NLGN1: variants seen among roughly 807,000 people sequenced by gnomAD.
NLGN1 encodes neuroligin 1, also known as neuroligin-1.
In NLGN1, 12 loss-of-function variants were observed where a neutral mutation model predicts 65.5. The observed-to-expected ratio is 0.18, with a 90% confidence interval of 0.12 to 0.30. The LOEUF is 0.30. NLGN1 is among the 10% of genes least tolerant of loss of function. The probability of loss-of-function intolerance (pLI) is 1.00; values close to 1 mark genes in which losing one functional copy is unlikely to be tolerated. For synonymous variants in NLGN1, 350 were observed against 359.5 expected (o/e 0.97, Z 0.30); for missense variants, 750 against 1,007.1 (o/e 0.74, Z 3.46).
chr3:173,423,216 T>G (rs1715448747), intron 1 of NLGN1, among the ~76,000 whole-genome samples: 2 of 152,194 alleles, frequency 1.3e-5, no homozygotes, highest in Admixed American at 1.3e-4. Context: ...CAGCAGGCCC[T>G]TCCCTCAATA....
intron 3 of NLGN1, among the ~76,000 whole-genome samples, chr3:173,749,913 C>T (rs1401813626): frequency 6.6e-6 from 1 of 151,970 alleles, no homozygotes; most frequent in Non-Finnish European, 1.5e-5. Flanking sequence ...GTTAACGTTC[C>T]TGGTAATTAT....
At chr3:174,051,624 G>T (rs6787816) in intron 4 of NLGN1, among the ~76,000 whole-genome samples, 5,035 of 152,118 alleles carry the variant, frequency 0.033, 267 homozygotes, top group African/African-American at 0.11. Context: ...GCTCATAAAT[G>T]AGGGCATGTC....
chr3:173,641,242 C>T (rs1757367478), intron 3 of NLGN1, among the ~76,000 whole-genome samples: 1 of 152,136 alleles, frequency 6.6e-6, no homozygotes, highest in Non-Finnish European at 1.5e-5. Flanking sequence ...ACTCTAATAT[C>T]TAAAGTTGGC....
chr3:174,113,420 A>G (rs1715678998), intron 4 of NLGN1, among the ~76,000 whole-genome samples: 1 of 152,078 alleles, frequency 6.6e-6, no homozygotes, highest in South Asian at 2.1e-4. Flanking sequence ...AAGTTTTATG[A>G]GACATAGTCT....
intron 4 of NLGN1, among the ~76,000 whole-genome samples, chr3:173,900,289 G>T (rs2152173403): frequency 6.6e-6 from 1 of 152,118 alleles, no homozygotes; most frequent in African/African-American, 2.4e-5. Flanking sequence ...AACTTCCAAT[G>T]ATTGGAATTA....
chr3:173,823,443 T>C (rs1176780670), intron 4 of NLGN1, among the ~76,000 whole-genome samples: 1 of 152,118 alleles, frequency 6.6e-6, no homozygotes, highest in Non-Finnish European at 1.5e-5. Context: ...CAGGGTACTC[T>C]GAATTTTTTA....
intron 4 of NLGN1, among the ~76,000 whole-genome samples, chr3:173,981,760 A>T (rs1718834457): frequency 6.6e-6 from 1 of 152,114 alleles, no homozygotes; most frequent in African/African-American, 2.4e-5. Context: ...ATTTTCTTAC[A>T]TATAATCATA....
At chr3:173,861,744 A>G (rs1047961809) in intron 4 of NLGN1, among the ~76,000 whole-genome samples, 3 of 151,770 alleles carry the variant, frequency 2.0e-5, no homozygotes, top group African/African-American at 7.3e-5. Context: ...GTGTGTTTCT[A>G]AATTTTTCAT....
intron 3 of NLGN1, among the ~76,000 whole-genome samples, chr3:173,722,807 AT>A (rs1316549442): frequency 1.3e-5 from 2 of 152,170 alleles, no homozygotes; most frequent in African/African-American, 4.8e-5. Flanking sequence ...CCATTTATTC[AT>A]TTACTTATTC....
chr3:173,401,974 G>C (rs1717784788), intron 1 of NLGN1, among the ~76,000 whole-genome samples: 1 of 152,136 alleles, frequency 6.6e-6, no homozygotes. Flanking sequence ...TTTCTCTGCA[G>C]ACGACATCCC....
At chr3:174,247,070 C>G (rs1743929755) in intron 4 of NLGN1, among the ~76,000 whole-genome samples, 5 of 152,168 alleles carry the variant, frequency 3.3e-5, no homozygotes, top group Admixed American at 3.3e-4. Flanking sequence ...GTTGATACAT[C>G]TTAAGCATTC....
At chr3:174,001,090 G>A (rs1338729488) in intron 4 of NLGN1, among the ~76,000 whole-genome samples, 1 of 152,182 alleles carries the variant, frequency 6.6e-6, no homozygotes, top group Admixed American at 6.5e-5. Context: ...TACAGAGAAT[G>A]CATCAGCAAA....
chr3:173,582,211 T>A (rs1447086642), intron 2 of NLGN1, among the ~76,000 whole-genome samples: 1 of 152,072 alleles, frequency 6.6e-6, no homozygotes, highest in East Asian at 1.9e-4. Flanking sequence ...TCATTTTTCT[T>A]GTTACCGTTT....
At chr3:173,944,331 A>T (rs1031099578) in intron 4 of NLGN1, among the ~76,000 whole-genome samples, 8 of 152,172 alleles carry the variant, frequency 5.3e-5, no homozygotes, top group Non-Finnish European at 1.0e-4. Context: ...ATGCCATATT[A>T]AAAAAGGAGA....
intron 4 of NLGN1, among the ~76,000 whole-genome samples, chr3:174,218,971 C>G (rs1429995750): frequency 6.6e-6 from 1 of 152,014 alleles, no homozygotes; most frequent in African/African-American, 2.4e-5. Context: ...GATTTATGTT[C>G]AGCTGGTGAT....
chr3:173,958,129 C>G (rs1251586866), intron 4 of NLGN1, among the ~76,000 whole-genome samples: 1 of 152,190 alleles, frequency 6.6e-6, no homozygotes, highest in Non-Finnish European at 1.5e-5. Context: ...GGTCTGGGAT[C>G]CCCAAAGGGC....
At chr3:173,496,194 A>G (rs1479704932) in intron 2 of NLGN1, among the ~76,000 whole-genome samples, 1 of 151,568 alleles carries the variant, frequency 6.6e-6, no homozygotes, top group Non-Finnish European at 1.5e-5. Flanking sequence ...CATACACTTT[A>G]TATTCATTTA....
At chr3:173,832,349 T>C (rs994972061) in intron 4 of NLGN1, among the ~76,000 whole-genome samples, 19 of 152,234 alleles carry the variant, frequency 1.2e-4, no homozygotes, top group Non-Finnish European at 2.5e-4. Context: ...TATCTACTAT[T>C]CTATTATCAC....
chr3:173,641,425 G>A (rs574275973), intron 3 of NLGN1, among the ~76,000 whole-genome samples: 2 of 152,094 alleles, frequency 1.3e-5, no homozygotes, highest in Non-Finnish European at 2.9e-5. Context: ...TTCTCAAATA[G>A]CTGGGATTAC....
Sources: gnomAD v4.1 joint callset for allele counts (sites outside exome capture counted in the v4.1 genomes callset) on GRCh38, gnomAD v4.1.1 for gene constraint, MANE v1.5 for transcripts, NCBI Gene and HGNC (gene_info 2026-07-23, HGNC 2026-07-21) for gene names.